The following ENTPD7 variants were observed in gnomAD, a reference collection of about 807,000 sequenced individuals.
The protein encoded by ENTPD7 is NTPDase 7.
Under a neutral mutation model 77.9 loss-of-function variants are expected in ENTPD7, and 53 were observed. The ratio of observed to expected loss-of-function variants is 0.68; its 90% confidence interval spans 0.55 to 0.85. The LOEUF is 0.85. ENTPD7 is among the 40% of genes least tolerant of loss of function. The pLI is 0.00. For synonymous variants in ENTPD7, 248 were observed against 274.9 expected, an observed-to-expected ratio of 0.90 and a Z score of 0.97; for missense variants, 636 against 743.7, an observed-to-expected ratio of 0.86 and a Z score of 1.68.
Position 99,661,492 on chromosome 10 carries a change from C to T in ENTPD7, c.55C>T (p.Pro19Ser), listed in dbSNP as rs2035485952. The T allele has an allele frequency of 6.2e-7, 1 of 1,613,638 alleles. No homozygotes were observed. Among genetic ancestry groups the T allele is most frequent in the East Asian group, 2.2e-5 (1 of 44,844 alleles). ...LCPASWYFTV[P>S]TVSPFLRQRV... ...CCCAGCCTCCTGGTACTTCACTGTG[C>T]CCACAGTGAGTCCATTTCTCCGTCA... The change falls in exon 3 of 13, where the codon CCC (proline) becomes TCC (serine). Residue 19 changes from proline (P) to serine (S), a missense_variant. Coordinates refer to ENST00000370489, the MANE Select transcript of ENTPD7 (RefSeq NM_020354.5).
At chr10:99,690,610 T>C (rs2035869512) in intron 7 of ENTPD7, among the ~76,000 whole-genome samples, 1 of 151,506 alleles carries the variant, frequency 6.6e-6, no homozygotes, top group Admixed American at 6.6e-5. Context: ...TGGTGCAATC[T>C]CGGCTCACTA....
intron 6 of ENTPD7, among the ~76,000 whole-genome samples, chr10:99,687,776 C>CT (rs2035833430): frequency 6.6e-6 from 1 of 152,140 alleles, no homozygotes; most frequent in African/African-American, 2.4e-5. Context: ...TCTGTGATCC[C>CT]TCTGCCACTT....
Position 99,710,582 on chromosome 10 carries a change from A to G in ENTPD7, c.*5899A>G, listed in dbSNP as rs1439530520. 6 of 985,318 alleles carry G rather than the reference A, an allele frequency of 6.1e-6. No individual in the cohort carries two copies. The African/African-American group carries it at 1.0e-4, about 17-fold the overall frequency. The allele number at this position is 985,318 out of a possible 1,614,324, so 61.0% of individuals were successfully genotyped here. Reference sequence around the variant, plus strand: ...ATTCTTAAAATTCTCACTGACAAACATTTTAGGTCAGTGTTGAGGAAAATG... The same window carrying G: ...ATTCTTAAAATTCTCACTGACAAACGTTTTAGGTCAGTGTTGAGGAAAATG... On this transcript the variant is annotated 3_prime_UTR_variant, in exon 13 of 13. Coordinates refer to ENST00000370489, the MANE Select transcript of ENTPD7 (RefSeq NM_020354.5).
intron 3 of ENTPD7, among the ~76,000 whole-genome samples, chr10:99,678,436 C>G (rs2035712137): frequency 6.8e-6 from 1 of 146,606 alleles, no homozygotes; most frequent in Non-Finnish European, 1.5e-5. Context: ...CCACTGCACT[C>G]TAGCCTAGGA....
At chr10:99,701,090 G>A (rs369974318) in intron 11 of ENTPD7, 32 bp downstream of exon 11, 2 of 1,549,722 alleles carry the variant, frequency 1.3e-6, no homozygotes, top group East Asian at 2.2e-5. Context: ...CTTAGATGTG[G>A]ACTTAAAATC....
chr10:99,662,909 AC>A (rs2035503970), intron 3 of ENTPD7, among the ~76,000 whole-genome samples: 1 of 152,250 alleles, frequency 6.6e-6, no homozygotes, highest in Non-Finnish European at 1.5e-5. Flanking sequence ...TTGTGTGCCA[AC>A]ACCAAGGTTG....
At position 99,709,503 on chromosome 10, in the gene ENTPD7, A is replaced by G. The variant is rs1010618568; in HGVS notation, c.*4820A>G. The G allele has an allele frequency of 1.4e-5, 14 of 984,530 alleles. No homozygotes were observed. Among genetic ancestry groups the G allele is most frequent in the African/African-American group, 1.7e-5 (1 of 57,242 alleles). 61.0% of individuals were successfully genotyped at this position (984,530 alleles called of 1,614,324 possible). ...TGTTAAAAAACTAAGACTCAAAACCAAAAGTTGTGATTAATAATAACAGGA... is the reference window on the plus strand; with the variant it reads ...TGTTAAAAAACTAAGACTCAAAACCGAAAGTTGTGATTAATAATAACAGGA... On this transcript the variant is annotated 3_prime_UTR_variant, in exon 13 of 13. Coordinates refer to ENST00000370489, the MANE Select transcript of ENTPD7 (RefSeq NM_020354.5).
chr10:99,699,306 G>A (rs2036056894), intron 10 of ENTPD7, among the ~76,000 whole-genome samples: 1 of 152,190 alleles, frequency 6.6e-6, no homozygotes, highest in Non-Finnish European at 1.5e-5. Flanking sequence ...GAGGCAGAGT[G>A]GTATGGGGTC....
rs185487987 is a variant in ENTPD7 at position 99,707,433 on chromosome 10, C to T, written c.*2750C>T. ...GAGAGCCAATTACTTAAATATATTT[C>T]TTCCTTATAATAAAATAATTTGCTT... On this transcript the variant is annotated 3_prime_UTR_variant, in exon 13 of 13. Transcript: ENST00000370489. Among the ~76,000 whole-genome samples, 19 of 152,336 alleles carry T rather than the reference C, an allele frequency of 1.2e-4. No individual in the cohort carries two copies. Among genetic ancestry groups the T allele is most frequent in the Non-Finnish European group, 2.4e-4 (16 of 68,032 alleles).
Position 99,688,690 on chromosome 10 carries a change from T to C in ENTPD7, c.653-4T>C, listed in dbSNP as rs2035843264. 6.2e-7 allele frequency: 1 copy of C among 1,613,910 alleles called. No homozygotes were observed. The highest frequency in any genetic ancestry group is 1.3e-5 in the African/African-American group (1 of 75,040). On this transcript the variant is annotated splice_region_variant and splice_polypyrimidine_tract_variant and intron_variant, in intron 6 of 12. Transcript: ENST00000370489. Reference sequence around the variant, plus strand: ...AAGTGAGGGCTTTTCTGTTTCTTACTTAGGGGTTTATGCATGGATTGGAAT... The same window carrying C: ...AAGTGAGGGCTTTTCTGTTTCTTACCTAGGGGTTTATGCATGGATTGGAAT...
chr10:99,687,909 C>T (rs979535548), intron 6 of ENTPD7, among the ~76,000 whole-genome samples: 3 of 152,104 alleles, frequency 2.0e-5, no homozygotes, highest in Non-Finnish European at 4.4e-5. Flanking sequence ...GGTAGGAGGA[C>T]AGAGGGAGCC....
Position 99,704,549 on chromosome 10 carries a change from G to A in ENTPD7, c.1681G>A (p.Val561Met). Residue 561 changes from valine to methionine, a missense_variant, in exon 13 of 13, where the codon GTG becomes ATG. Transcript: ENST00000370489. Reference protein sequence around the residue: ...HYLFFACILVVLLAIFLYLLR... With the variant: ...HYLFFACILVMLLAIFLYLLR... ...TCTCTTCTTTGCCTGTATCCTGGTG[G>A]TGCTACTGGCCATCTTCCTATACCT... is the stretch of plus-strand genomic sequence containing the variant. 6.2e-7 allele frequency: 1 copy of A among 1,614,152 alleles called. No individual in the cohort carries two copies. The highest frequency in any genetic ancestry group is 8.5e-7 in the Non-Finnish European group (1 of 1,180,026).
At chr10:99,702,721 G>A in intron 12 of ENTPD7, 48 bp downstream of exon 12, 1 of 1,505,288 alleles carries the variant, frequency 6.6e-7, no homozygotes, top group Non-Finnish European at 8.9e-7. Flanking sequence ...GAGGATATCA[G>A]TTGATGCCTC....
At chr10:99,672,305 A>T (rs1383891735) in intron 3 of ENTPD7, among the ~76,000 whole-genome samples, 5 of 124,268 alleles carry the variant, frequency 4.0e-5, no homozygotes, top group African/African-American at 8.9e-5. Context: ...CAGTTACTTG[A>T]TCTTTTTTTT....
rs377374201 is a variant in ENTPD7, at chr10:99,704,431, A to G, written c.1584-21A>G. ...AAACTTAACAGTTTTTTCCACCTAC[A>G]AATTCTTAATTCTTCCCTAGGGATC... is the stretch of plus-strand genomic sequence containing the variant. On this transcript the variant is annotated intron_variant, in intron 12 of 12. Coordinates refer to ENST00000370489, the MANE Select transcript of ENTPD7 (RefSeq NM_020354.5). The G allele has an allele frequency of 3.0e-5, 48 of 1,613,476 alleles. No homozygotes were observed. The African/African-American group carries it at 6.0e-4, about 20-fold the overall frequency.
At position 99,661,429 on chromosome 10, in the gene ENTPD7, T is replaced by C; in HGVS notation, c.9-17T>C. Reference sequence around the variant, plus strand: ...TGTAGAAATGTTTCAGACTTACTAATGTTTGTCTAATTTCAGGATCAGTTT... The same window carrying C: ...TGTAGAAATGTTTCAGACTTACTAACGTTTGTCTAATTTCAGGATCAGTTT... On this transcript the variant is annotated splice_polypyrimidine_tract_variant and intron_variant, in intron 2 of 12. Transcript: ENST00000370489. The C allele has an allele frequency of 6.3e-7, 1 of 1,582,524 alleles. No individual in the cohort carries two copies. Among genetic ancestry groups the C allele is most frequent in the South Asian group, 1.2e-5 (1 of 85,712 alleles).
At chr10:99,663,047 G>T (rs1427711432) in intron 3 of ENTPD7, among the ~76,000 whole-genome samples, 1 of 152,086 alleles carries the variant, frequency 6.6e-6, no homozygotes, top group African/African-American at 2.4e-5. Context: ...TACCATTTCT[G>T]GTCTGCTTCA....
rs148302095 is a variant in ENTPD7, at chr10:99,709,472, T to C, written c.*4789T>C. ...AGGATTTTCCTGGTGTTACAAAAAA[T>C]ATTGCTGTTAAAAAACTAAGACTCA... On this transcript the variant is annotated 3_prime_UTR_variant, in exon 13 of 13. Transcript: ENST00000370489. 3,341 of 985,402 alleles carry C rather than the reference T, an allele frequency of 3.4e-3. 19 individuals carry two copies. Among genetic ancestry groups the C allele is most frequent in the Middle Eastern group, 0.02 (39 of 1,914 alleles). 61.0% of individuals were successfully genotyped at this position (985,402 alleles called of 1,614,324 possible).
rs2036305935 is a variant in ENTPD7 at position 99,709,005 on chromosome 10, C to T, written c.*4322C>T. The T allele has an allele frequency of 3.2e-5, 32 of 985,354 alleles. No homozygotes were observed. The highest frequency in any genetic ancestry group is 3.9e-5 in the Non-Finnish European group (32 of 829,856). The allele number at this position is 985,354 out of a possible 1,614,324, so 61.0% of individuals were successfully genotyped here. ...TTAGGAATAAACTTTGAAAAAAATA[C>T]TTTGTCAGAAATAGTGCCAAGTTTT... is the stretch of plus-strand genomic sequence containing the variant. On this transcript the variant is annotated 3_prime_UTR_variant, in exon 13 of 13. Coordinates refer to ENST00000370489, the MANE Select transcript of ENTPD7 (RefSeq NM_020354.5).
Sources: gnomAD v4.1 joint callset for allele counts (sites outside exome capture counted in the v4.1 genomes callset) on GRCh38, gnomAD v4.1.1 for gene constraint, MANE v1.5 for transcripts, NCBI Gene and HGNC (gene_info 2026-07-23, HGNC 2026-07-21) for gene names.